Variants in PIK3R3 observed in about 807,000 individuals in gnomAD.
PIK3R3 encodes phosphatidylinositol 3-kinase regulatory subunit gamma.
In PIK3R3, 64 loss-of-function variants were observed where a neutral mutation model predicts 62.9. The observed-to-expected ratio is 1.02, with a 90% CI of 0.83 to 1.25. The LOEUF is 1.25. Among genes scored for constraint, PIK3R3 ranks in the 50% most tolerant of loss-of-function variants. The pLI, the probability that PIK3R3 is intolerant of heterozygous loss-of-function variation, is 0.00. For missense variants in PIK3R3, 614 were observed against 561.6 expected (o/e 1.09, Z -0.94); for synonymous variants, 165 against 189.0 (o/e 0.87, Z 1.04).
At chr1:46,078,681 T>C (rs983705481) in intron 2 of PIK3R3, among the ~76,000 whole-genome samples, 2 of 152,188 alleles carry the variant, frequency 1.3e-5, no homozygotes, top group Non-Finnish European at 1.5e-5. Context: ...CTCAGATATG[T>C]GTGCACCAAT....
At chr1:46,072,975 A>G (rs966614664) in intron 3 of PIK3R3, among the ~76,000 whole-genome samples, 41 of 151,240 alleles carry the variant, frequency 2.7e-4, no homozygotes, top group African/African-American at 9.5e-4. Flanking sequence ...ATATATATAT[A>G]TATTAGGCAT....
Position 46,132,628 on chromosome 1 carries a change from C to T in PIK3R3, c.-676G>A. ...CGCACCAACTGCCCTCAAGCTCTGC[C>T]CGGACTCCAGCCACTAGAGTTTCAT... On this transcript the variant is annotated 5_prime_UTR_variant, in exon 1 of 10. Transcript: ENST00000262741. The T allele has an allele frequency of 7.8e-7, 1 of 1,289,742 alleles. No individual in the cohort carries two copies. Among genetic ancestry groups the T allele is most frequent in the South Asian group, 1.2e-5 (1 of 81,020 alleles). The allele number at this position is 1,289,742 out of a possible 1,614,324, so 79.9% of individuals were successfully genotyped here. A position where few individuals can be genotyped will look rare whatever the true frequency, so the allele number is the denominator to read the frequency against.
chr1:46,068,871 A>G (rs785512), intron 3 of PIK3R3, among the ~76,000 whole-genome samples: 102,473 of 152,080 alleles, frequency 0.67, 34,776 homozygotes, highest in Non-Finnish European at 0.71. Context: ...AGGCACAAAA[A>G]GGTTTTCAGT....
rs896800182 is a variant in PIK3R3 at position 46,094,809 on chromosome 1, T to C, written c.107-14059A>G. ...AATCAGACACTGTTGGCAAAACTAA[T>C]CTCTGAATGAAAATGGTACAACAGC... On this transcript the variant is annotated intron_variant, in intron 1 of 9. Coordinates refer to ENST00000262741, the MANE Select transcript of PIK3R3 (RefSeq NM_003629.4). 2.0e-5 allele frequency among the ~76,000 whole-genome samples: 3 copies of C among 152,198 alleles called. No homozygotes were observed. In the East Asian group the frequency reaches 5.8e-4, roughly 29 times the overall value.
chr1:46,115,330 T>G (rs1006908879), intron 1 of PIK3R3, among the ~76,000 whole-genome samples: 1 of 152,204 alleles, frequency 6.6e-6, no homozygotes, highest in Non-Finnish European at 1.5e-5. Context: ...TGAGTTGCAT[T>G]TTCTGTTATC....
At chr1:46,110,599 A>G (rs1253910606) in intron 1 of PIK3R3, among the ~76,000 whole-genome samples, 1 of 152,024 alleles carries the variant, frequency 6.6e-6, no homozygotes, top group African/African-American at 2.4e-5. Flanking sequence ...TAGTTGTTGA[A>G]CCCTATCTTT....
chr1:46,142,049 A>G, the PIK3R3 span, among the ~76,000 whole-genome samples: 1 of 152,212 alleles, frequency 6.6e-6, no homozygotes, highest in South Asian at 2.1e-4. Context: ...CTTGACAGAA[A>G]TCAACAGGCA....
chr1:46,044,840 A>G lies in PIK3R3; in HGVS notation c.1188-969T>C, dbSNP rs1369440607. Reference sequence around the variant, plus strand: ...TGGTGAAATGAAAAAAGCCTGGTGCAATAGAAAAATGTGGGTTTTGAAACC... The same window carrying G: ...TGGTGAAATGAAAAAAGCCTGGTGCGATAGAAAAATGTGGGTTTTGAAACC... On this transcript the variant is annotated intron_variant, in intron 9 of 9. Transcript: ENST00000262741. The surrounding 1 kb of genome is among the most constrained non-coding windows in gnomAD (Gnocchi z 4.2). Among the ~76,000 whole-genome samples, 1 of 152,250 alleles carries G rather than the reference A, an allele frequency of 6.6e-6. No homozygotes were observed. Among genetic ancestry groups the G allele is most frequent in the Admixed American group, 6.5e-5 (1 of 15,284 alleles).
chr1:46,149,147 C>T, the PIK3R3 span, among the ~76,000 whole-genome samples: 1,057 of 152,208 alleles, frequency 6.9e-3, 15 homozygotes, highest in East Asian at 0.046. Flanking sequence ...CCCGGCTGGG[C>T]GGAAGTGGCT....
rs1041389021 is a variant in PIK3R3, at chr1:46,040,432, C to T, written c.*3241G>A. The stretch of plus-strand genomic sequence containing the variant: ...ATTTTCTTGGACACATCAAAGACAA[C>T]AGAATAGATTTTTCACAAGTAACGG... On this transcript the variant is annotated 3_prime_UTR_variant, in exon 10 of 10. Coordinates refer to ENST00000262741, the MANE Select transcript of PIK3R3 (RefSeq NM_003629.4). The T allele has an allele frequency of 1.6e-4, 36 of 230,946 alleles. No homozygotes were observed. Among genetic ancestry groups the T allele is most frequent in the Admixed American group, 2.8e-4 (5 of 17,698 alleles). 14.3% of individuals were successfully genotyped at this position (230,946 alleles called of 1,614,324 possible).
At position 46,116,271 on chromosome 1, in the gene PIK3R3, G is replaced by A. The variant is rs115194253; in HGVS notation, c.106+15576C>T. On this transcript the variant is annotated intron_variant, in intron 1 of 9. Transcript: ENST00000262741. Reference sequence around the variant, plus strand: ...CATGCCTATAATCCCACTGCTTTGGGAGCCTGAGGCAGGAGGATCACTTGA... The same window carrying A: ...CATGCCTATAATCCCACTGCTTTGGAAGCCTGAGGCAGGAGGATCACTTGA... Among the ~76,000 whole-genome samples, 1,058 of 152,174 alleles carry A rather than the reference G, an allele frequency of 7.0e-3. 14 individuals are homozygous for A. Among genetic ancestry groups the A allele is most frequent in the African/African-American group, 0.025 (1,019 of 41,522 alleles).
chr1:46,167,053 G>A, the PIK3R3 span, among the ~76,000 whole-genome samples: 7 of 152,190 alleles, frequency 4.6e-5, no homozygotes, highest in African/African-American at 1.4e-4. Flanking sequence ...CCCACCCCGC[G>A]ACTACCTGCT....
intron 1 of PIK3R3, among the ~76,000 whole-genome samples, chr1:46,112,417 A>G (rs190477584): frequency 9.7e-4 from 147 of 152,294 alleles, no homozygotes; most frequent in African/African-American, 3.3e-3. Flanking sequence ...ATATCCATAC[A>G]TATACCTTTA....
chr1:46,091,138 CTTT>C (rs148774563), intron 1 of PIK3R3, among the ~76,000 whole-genome samples: 11 of 127,624 alleles, frequency 8.6e-5, no homozygotes, highest in Admixed American at 1.6e-4. Flanking sequence ...AGCATTTTAA[CTTT>C]TTTTTTTTTT....
the PIK3R3 span, among the ~76,000 whole-genome samples, chr1:46,163,279 A>T: frequency 6.6e-6 from 1 of 152,230 alleles, no homozygotes; most frequent in Non-Finnish European, 1.5e-5. Context: ...AAAACTGGAG[A>T]ACAGAACATA....
Position 46,055,953 on chromosome 1 carries a change from A to C in PIK3R3, c.783T>G (p.Asp261Glu). 6.4e-7 allele frequency: 1 copy of C among 1,574,514 alleles called. No homozygotes were observed. Among genetic ancestry groups the C allele is most frequent in the Non-Finnish European group, 8.6e-7 (1 of 1,162,308 alleles). Residue 261 changes from aspartate (D) to glutamate (E), a missense_variant, in exon 7 of 10, where the codon GAT becomes GAG. Coordinates refer to ENST00000262741, the MANE Select transcript of PIK3R3 (RefSeq NM_003629.4). ...TCTCACCCAGACGTGATTTCAATTT[A>C]TCATAATTCATCATAATTCTGTAAA... ...KEIERIMMNY[D>E]KLKSRLGEIH...
rs768245666 is a variant in PIK3R3 at position 46,131,969 on chromosome 1, G to A, written c.-17C>T. ...ATTGTACATCGCGCTGTCAGGGGCAGGTCGCCAGGAGATATATAGAAGGCA... is the reference window on the plus strand; with the variant it reads ...ATTGTACATCGCGCTGTCAGGGGCAAGTCGCCAGGAGATATATAGAAGGCA... On this transcript the variant is annotated 5_prime_UTR_variant, in exon 1 of 10. Coordinates refer to ENST00000262741, the MANE Select transcript of PIK3R3 (RefSeq NM_003629.4). The A allele has an allele frequency of 3.1e-6, 5 of 1,612,644 alleles. No individual in the cohort carries two copies. The highest frequency in any genetic ancestry group is 1.1e-5 in the South Asian group (1 of 90,738).
At chr1:46,065,313 T>C (rs1648889237) in intron 5 of PIK3R3, among the ~76,000 whole-genome samples, 1 of 152,190 alleles carries the variant, frequency 6.6e-6, no homozygotes, top group Non-Finnish European at 1.5e-5. Context: ...GGAAAGAAAC[T>C]AGATTATTCA....
the PIK3R3 span, among the ~76,000 whole-genome samples, chr1:46,153,328 AAG>A: frequency 1.3e-5 from 2 of 152,200 alleles, 1 homozygote; most frequent in African/African-American, 4.8e-5. Context: ...AGCCATTTTA[AAG>A]AGTTTCTCCA....
Sources: allele counts gnomAD v4.1 joint callset (sites outside exome capture counted in the v4.1 genomes callset), GRCh38; gene constraint gnomAD v4.1.1; non-coding constraint Gnocchi (gnomAD v3.1); transcripts MANE v1.5; gene names NCBI Gene and HGNC (gene_info 2026-07-23, HGNC 2026-07-21).